The following ZSWIM5 variants were observed in gnomAD, a reference collection of about 807,000 sequenced individuals.
ZSWIM5 encodes zinc finger SWIM domain-containing protein 5.
Under a neutral mutation model 119.6 loss-of-function variants are expected in ZSWIM5, and 55 were observed. The ratio of observed to expected loss-of-function variants is 0.46; its 90% CI spans 0.37 to 0.58. The LOEUF (loss-of-function observed/expected upper bound fraction) is 0.58, where lower values mean the gene tolerates loss of function less well. Ranked by LOEUF, ZSWIM5 falls within the 20% of genes least tolerant of loss-of-function variation. ZSWIM5 has a pLI of 0.00. For missense variants in ZSWIM5, 1,193 were observed against 1,512.8 expected (o/e 0.79, Z 3.51); for synonymous variants, 537 against 606.9 (o/e 0.88, Z 1.69).
chr1:45,195,042 TC>T (rs1464357686), intron 1 of ZSWIM5, among the ~76,000 whole-genome samples: 2 of 152,226 alleles, frequency 1.3e-5, no homozygotes, highest in Non-Finnish European at 2.9e-5. Flanking sequence ...CCTACTCTCT[TC>T]CCCCATAGTA....
At chr1:45,040,064 C>T (rs1288519330) in intron 7 of ZSWIM5, among the ~76,000 whole-genome samples, 3 of 152,150 alleles carry the variant, frequency 2.0e-5, no homozygotes, top group East Asian at 3.9e-4. Flanking sequence ...TCTCAAACTC[C>T]TGGCCTCAAG....
intron 1 of ZSWIM5, among the ~76,000 whole-genome samples, chr1:45,092,602 C>A (rs949385014): frequency 2.0e-5 from 3 of 150,018 alleles, no homozygotes; most frequent in Non-Finnish European, 4.4e-5. Context: ...CGCACCTGGC[C>A]CGATGGTTAG....
rs538585361 is a variant in ZSWIM5, at chr1:45,028,397, G to A, written c.2449+5915C>T. Among the ~76,000 whole-genome samples the A allele has an allele frequency of 1.4e-4, 21 of 152,230 alleles. No homozygotes were observed. The East Asian group carries it at 3.9e-3, about 28-fold the overall frequency. Reference sequence around the variant, plus strand: ...TTTAATCTATCTGTGTCTTTAAAGTGGGTTTCTTATAGACAACATATAGTT... The same window carrying A: ...TTTAATCTATCTGTGTCTTTAAAGTAGGTTTCTTATAGACAACATATAGTT... On this transcript the variant is annotated intron_variant, in intron 11 of 13. Coordinates refer to ENST00000359600, the MANE Select transcript of ZSWIM5 (RefSeq NM_020883.2).
At chr1:45,136,858 C>A (rs1261327532) in intron 1 of ZSWIM5, among the ~76,000 whole-genome samples, 1 of 152,064 alleles carries the variant, frequency 6.6e-6, no homozygotes, top group Non-Finnish European at 1.5e-5. Context: ...GGGGTGTTTA[C>A]CAGGGGCTCT....
intron 2 of ZSWIM5, among the ~76,000 whole-genome samples, chr1:45,085,406 C>T (rs1287279720): frequency 6.6e-6 from 1 of 152,144 alleles, no homozygotes; most frequent in Admixed American, 6.5e-5. Context: ...CTGCAGCCAG[C>T]TTGTATTCCT....
intron 1 of ZSWIM5, among the ~76,000 whole-genome samples, chr1:45,174,088 A>C (rs572162210): frequency 5.3e-5 from 8 of 152,162 alleles, no homozygotes; most frequent in Middle Eastern, 3.4e-3. Flanking sequence ...CAGCCTGGCC[A>C]ACAAGGTAAA....
In ZSWIM5 at chr1:45,018,225, G is replaced by T; in HGVS notation, c.*229C>A. On this transcript the variant is annotated 3_prime_UTR_variant, in exon 14 of 14. Coordinates refer to ENST00000359600, the MANE Select transcript of ZSWIM5 (RefSeq NM_020883.2). This position sits in a 1 kb window ranked among gnomAD's most constrained non-coding sequence, Gnocchi z 6.7. ...GTGGCATGTTGTGGGGTTTCTGGTC[G>T]ATCTGCAGGGCCCAGCTCCTCCATG... 1.7e-6 allele frequency: 1 copy of T among 588,246 alleles called. No individual in the cohort carries two copies. The highest frequency in any genetic ancestry group is 3.0e-6 in the Non-Finnish European group (1 of 335,824). 36.4% of individuals were successfully genotyped at this position (588,246 alleles called of 1,614,324 possible). A position where few individuals can be genotyped will look rare whatever the true frequency, so the allele number is the denominator to read the frequency against.
Position 45,110,316 on chromosome 1 carries a change from TTA to T in ZSWIM5, c.596-22081_596-22080del, listed in dbSNP as rs1198913525. Among the ~76,000 whole-genome samples the T allele has an allele frequency of 2.6e-5, 4 of 152,194 alleles. No homozygotes were observed. In the East Asian group the frequency reaches 7.7e-4, roughly 29 times the overall value. ...AAAAAGAAAAGCCTTCTTCTGTGAGTTATAAAAATCAAACTCACTGGGGGAGT... is the reference window on the plus strand; with the variant it reads ...AAAAAGAAAAGCCTTCTTCTGTGAGTTAAAAATCAAACTCACTGGGGGAGT... On this transcript the variant is annotated intron_variant, in intron 1 of 13. Transcript: ENST00000359600.
chr1:45,100,273 A>G (rs1348929809), intron 1 of ZSWIM5, among the ~76,000 whole-genome samples: 1 of 152,164 alleles, frequency 6.6e-6, no homozygotes, highest in East Asian at 1.9e-4. Context: ...CAGAGAGCCA[A>G]ATCATGAGTG....
At chr1:45,069,428 A>C (rs75956094) in intron 2 of ZSWIM5, among the ~76,000 whole-genome samples, 4 of 147,010 alleles carry the variant, frequency 2.7e-5, no homozygotes, top group African/African-American at 9.9e-5. Context: ...TCCGTCTCCA[A>C]AAAAAAAAAA....
chr1:45,190,352 A>G (rs1646084136), intron 1 of ZSWIM5, among the ~76,000 whole-genome samples: 1 of 152,112 alleles, frequency 6.6e-6, no homozygotes, highest in African/African-American at 2.4e-5. Context: ...ACCCATTCCC[A>G]GGTAAACCAC....
chr1:45,101,421 G>A (rs1330195683), intron 1 of ZSWIM5, among the ~76,000 whole-genome samples: 2 of 152,198 alleles, frequency 1.3e-5, no homozygotes, highest in African/African-American at 4.8e-5. Context: ...TGGAGAAATA[G>A]GAATGCTTTA....
intron 5 of ZSWIM5, among the ~76,000 whole-genome samples, chr1:45,045,617 G>A (rs1449087313): frequency 6.6e-6 from 1 of 152,128 alleles, no homozygotes; most frequent in African/African-American, 2.4e-5. Context: ...TCTACTGGCT[G>A]GAATCTAAGC....
At position 45,024,951 on chromosome 1, in the gene ZSWIM5, G is replaced by A. The variant is rs114991176; in HGVS notation, c.2450-4163C>T. Among the ~76,000 whole-genome samples, 261 of 152,204 alleles carry A rather than the reference G, an allele frequency of 1.7e-3. 2 individuals carry two copies. The highest frequency in any genetic ancestry group is 5.8e-3 in the African/African-American group (241 of 41,548). ...ATTACAGGTGTGAGCCACTGCGCCCGGCCATCCTCTAGAAATTTTATAGTT... is the reference window on the plus strand; with the variant it reads ...ATTACAGGTGTGAGCCACTGCGCCCAGCCATCCTCTAGAAATTTTATAGTT... On this transcript the variant is annotated intron_variant, in intron 11 of 13. Transcript: ENST00000359600.
chr1:45,037,513 T>G (rs1004750952), intron 8 of ZSWIM5, among the ~76,000 whole-genome samples: 5 of 152,230 alleles, frequency 3.3e-5, no homozygotes, highest in Admixed American at 2.0e-4. Context: ...TGTTTTTGTT[T>G]CTGTCTCTTT....
intron 1 of ZSWIM5, among the ~76,000 whole-genome samples, chr1:45,156,278 G>A (rs1026806906): frequency 2.0e-5 from 3 of 150,506 alleles, no homozygotes; most frequent in Non-Finnish European, 2.9e-5. Flanking sequence ...TAGACACTGG[G>A]GATTACCAGA....
rs578052549 is a variant in ZSWIM5, at chr1:45,025,017, T to C, written c.2450-4229A>G. On this transcript the variant is annotated intron_variant, in intron 11 of 13. Coordinates refer to ENST00000359600, the MANE Select transcript of ZSWIM5 (RefSeq NM_020883.2). ...AGGTCTATGATCCATTTTGAGTTAA[T>C]TTTTGTGAAAGGTCTAAGGTCAGTG... Among the ~76,000 whole-genome samples the C allele has an allele frequency of 3.9e-5, 6 of 152,336 alleles. No individual in the cohort carries two copies. In the East Asian group the frequency reaches 1.2e-3, roughly 29 times the overall value.
intron 1 of ZSWIM5, among the ~76,000 whole-genome samples, chr1:45,163,860 T>C (rs1464435728): frequency 2.0e-5 from 3 of 152,048 alleles, no homozygotes; most frequent in African/African-American, 7.2e-5. Flanking sequence ...TACCTGAAAG[T>C]GACAGGGAGA....
At position 45,138,746 on chromosome 1, in the gene ZSWIM5, A is replaced by C. The variant is rs574827919; in HGVS notation, c.596-50509T>G. 7.9e-5 allele frequency among the ~76,000 whole-genome samples: 12 copies of C among 152,226 alleles called. No individual in the cohort carries two copies. In the East Asian group the frequency reaches 1.9e-3, roughly 24 times the overall value. On this transcript the variant is annotated intron_variant, in intron 1 of 13. Transcript: ENST00000359600. ...GGAGATCAGGGGGTCAGGTAGAGTG[A>C]AGGTTCCAACCCACTAATCTCATGA... is the stretch of plus-strand genomic sequence containing the variant.
Sources: gnomAD v4.1 joint callset for allele counts (sites outside exome capture counted in the v4.1 genomes callset) on GRCh38, gnomAD v4.1.1 for gene constraint, Gnocchi (gnomAD v3.1) non-coding constraint, MANE v1.5 for transcripts, NCBI Gene and HGNC (gene_info 2026-07-23, HGNC 2026-07-21) for gene names.